The following LHFPL3 variants were observed in gnomAD, a reference collection of about 807,000 sequenced individuals.
LHFPL3 encodes the protein LHFPL tetraspan subfamily member 3.
A neutral mutation model predicts 19.3 loss-of-function variants in LHFPL3; 5 were observed. That is an observed-to-expected ratio of 0.26 (90% CI 0.14 to 0.54). LHFPL3 has a LOEUF of 0.54. Ranked by LOEUF, LHFPL3 falls within the 20% of genes least tolerant of loss-of-function variation. The pLI is 0.94. For missense variants in LHFPL3, 249 were observed against 307.4 expected, an observed-to-expected ratio of 0.81 and a Z score of 1.42; for synonymous variants, 133 against 126.2, an observed-to-expected ratio of 1.05 and a Z score of -0.36.
At chr7:104,336,678 C>G (rs546657324) in intron 1 of LHFPL3, among the ~76,000 whole-genome samples, 1 of 152,136 alleles carries the variant, frequency 6.6e-6, no homozygotes, top group Non-Finnish European at 1.5e-5. Flanking sequence ...ATATCTCCCC[C>G]ACCCTAATGA....
chr7:104,461,379 T>C (rs2115572153), intron 1 of LHFPL3, among the ~76,000 whole-genome samples: 1 of 152,336 alleles, frequency 6.6e-6, no homozygotes, highest in South Asian at 2.1e-4. Flanking sequence ...TTTATTTTTG[T>C]ATATGGTGTA....
At chr7:104,584,024 CATT>C (rs1480501007) in intron 1 of LHFPL3, among the ~76,000 whole-genome samples, 1 of 152,128 alleles carries the variant, frequency 6.6e-6, no homozygotes, top group Admixed American at 6.6e-5. Flanking sequence ...TTTATTGCAG[CATT>C]ATTCACAATA....
At chr7:104,613,782 A>C (rs779800483) in intron 1 of LHFPL3, among the ~76,000 whole-genome samples, 1 of 152,216 alleles carries the variant, frequency 6.6e-6, no homozygotes, top group Non-Finnish European at 1.5e-5. Context: ...ACAAGAGTTA[A>C]TTCAAGCCTA....
chr7:104,506,082 T>A (rs1793693172), intron 1 of LHFPL3, among the ~76,000 whole-genome samples: 1 of 151,774 alleles, frequency 6.6e-6, no homozygotes, highest in Admixed American at 6.6e-5. Flanking sequence ...AGTGACACGA[T>A]TTTGGCTCAC....
intron 2 of LHFPL3, among the ~76,000 whole-genome samples, chr7:104,767,621 G>A (rs1435160314): frequency 7.2e-5 from 11 of 152,018 alleles, no homozygotes; most frequent in Admixed American, 7.2e-4. Context: ...CTTTCCTTGA[G>A]CCTCTCAAAG....
At chr7:104,489,078 C>CTTTTT (rs10706776) in intron 1 of LHFPL3, among the ~76,000 whole-genome samples, 3 of 41,656 alleles carry the variant, frequency 7.2e-5, no homozygotes, top group Admixed American at 2.8e-4. Flanking sequence ...GTGCTGAAAT[C>CTTTTT]TTTTTTTTTT....
At chr7:104,332,225 T>TTTC (rs1801583266) in intron 1 of LHFPL3, among the ~76,000 whole-genome samples, 2 of 84,134 alleles carry the variant, frequency 2.4e-5, no homozygotes, top group South Asian at 7.8e-4. Flanking sequence ...TTTCTTTTCT[T>TTTC]TTTTTTTTTT....
At chr7:104,595,538 A>C (rs1790832428) in intron 1 of LHFPL3, among the ~76,000 whole-genome samples, 1 of 152,230 alleles carries the variant, frequency 6.6e-6, no homozygotes, top group Non-Finnish European at 1.5e-5. Context: ...TTGAGGAAGC[A>C]GTCTTTCCGT....
chr7:104,719,552 C>T (rs930804741), intron 1 of LHFPL3, among the ~76,000 whole-genome samples: 15 of 152,028 alleles, frequency 9.9e-5, no homozygotes, highest in Admixed American at 5.9e-4. Context: ...CTTGGCACTA[C>T]GTGTAAAATG....
At chr7:104,500,861 A>C (rs4730018) in intron 1 of LHFPL3, among the ~76,000 whole-genome samples, 11,928 of 152,210 alleles carry the variant, frequency 0.078, 684 homozygotes, top group Admixed American at 0.16. Context: ...CTCTCCCAAG[A>C]ACAGCCCCAC....
intron 2 of LHFPL3, among the ~76,000 whole-genome samples, chr7:104,751,383 G>A (rs1164206900): frequency 6.6e-6 from 1 of 151,190 alleles, no homozygotes; most frequent in Non-Finnish European, 1.5e-5. Context: ...GCACTTCCTG[G>A]GTCTTGGATT....
At chr7:104,604,542 A>G (rs1325887132) in intron 1 of LHFPL3, among the ~76,000 whole-genome samples, 1 of 152,152 alleles carries the variant, frequency 6.6e-6, no homozygotes, top group Admixed American at 6.5e-5. Flanking sequence ...TACCTTTTCA[A>G]TCTTTACATA....
At chr7:104,585,522 C>CACACACACACACACACA (rs1790556820) in intron 1 of LHFPL3, among the ~76,000 whole-genome samples, 1 of 149,954 alleles carries the variant, frequency 6.7e-6, no homozygotes, top group African/African-American at 2.5e-5. Flanking sequence ...CACACACACA[C>CACACACACACACACACA]GGCCTTGTCC....
chr7:104,415,964 T>A lies in LHFPL3; in HGVS notation c.445+86740T>A, dbSNP rs118126759. Among the ~76,000 whole-genome samples the A allele has an allele frequency of 8.3e-3, 1,257 of 152,246 alleles. 73 individuals carry two copies. In the East Asian group the frequency reaches 0.16, roughly 19 times the overall value. On this transcript the variant is annotated intron_variant, in intron 1 of 2. Coordinates refer to ENST00000424859, the MANE Select transcript of LHFPL3 (RefSeq NM_199000.3). ...CTGGCATGGGTCAGTACATACCACC[T>A]ATTATGGGTTGCATTCTGTCTCCAT...
intron 1 of LHFPL3, among the ~76,000 whole-genome samples, chr7:104,435,874 T>G (rs2116569310): frequency 6.6e-6 from 1 of 152,180 alleles, no homozygotes; most frequent in Non-Finnish European, 1.5e-5. Flanking sequence ...CCTTTTGATT[T>G]TCAAGCTGCA....
intron 1 of LHFPL3, among the ~76,000 whole-genome samples, chr7:104,523,260 A>C (rs7785251): frequency 0.61 from 92,333 of 151,842 alleles, 28,363 homozygotes; most frequent in African/African-American, 0.68. Flanking sequence ...TAAATAAATA[A>C]ATTATTTCTA....
At chr7:104,623,185 A>G (rs1791480691) in intron 1 of LHFPL3, among the ~76,000 whole-genome samples, 1 of 152,092 alleles carries the variant, frequency 6.6e-6, no homozygotes, top group African/African-American at 2.4e-5. Flanking sequence ...CCGATTTGCA[A>G]GTATCTTCTC....
intron 1 of LHFPL3, among the ~76,000 whole-genome samples, chr7:104,580,730 T>G (rs1790444532): frequency 6.6e-6 from 1 of 151,972 alleles, no homozygotes; most frequent in South Asian, 2.1e-4. Context: ...CTCAGCAACT[T>G]GTCTTGATTT....
chr7:104,545,795 G>C (rs1330368169), intron 1 of LHFPL3, among the ~76,000 whole-genome samples: 1 of 152,156 alleles, frequency 6.6e-6, no homozygotes, highest in African/African-American at 2.4e-5. Flanking sequence ...AAATCTATTT[G>C]AAAAGTTGAA....
Sources: gnomAD v4.1 joint callset for allele counts (sites outside exome capture counted in the v4.1 genomes callset) on GRCh38, gnomAD v4.1.1 for gene constraint, MANE v1.5 for transcripts, NCBI Gene and HGNC (gene_info 2026-07-23, HGNC 2026-07-21) for gene names.